The following DMXL1 variants were observed in gnomAD, a reference collection of about 807,000 sequenced individuals.
DMXL1 encodes dmX-like protein 1.
Under a neutral mutation model 319.2 loss-of-function variants are expected in DMXL1, and 99 were observed. That is an observed-to-expected ratio of 0.31 (90% CI 0.26 to 0.37). The LOEUF (loss-of-function observed/expected upper bound fraction) is 0.37. DMXL1 is among the 10% of genes least tolerant of loss of function. The pLI, the probability that DMXL1 is intolerant of heterozygous loss-of-function variation, is 1.00. For missense variants in DMXL1, 3,745 were observed against 3,595.6 expected (o/e 1.04, Z -1.06); for synonymous variants, 1,385 against 1,235.2 (o/e 1.12, Z -2.54).
chr5:119,239,446 C>T (rs888955037), intron 41 of DMXL1, among the ~76,000 whole-genome samples: 4 of 152,258 alleles, frequency 2.6e-5, no homozygotes, highest in East Asian at 1.9e-4. Flanking sequence ...ATATTTCTTA[C>T]GTATGTTGGT....
intron 10 of DMXL1, among the ~76,000 whole-genome samples, chr5:119,132,444 G>T (rs949806951): frequency 2.0e-5 from 3 of 152,148 alleles, no homozygotes; most frequent in Non-Finnish European, 4.4e-5. Context: ...ACTTTGGGAG[G>T]CCGAGGCAGG....
chr5:119,094,768 GGAA>G, intron 1 of DMXL1, among the ~76,000 whole-genome samples: 1 of 151,840 alleles, frequency 6.6e-6, no homozygotes, highest in Admixed American at 6.6e-5. Context: ...CCAAGAGTAT[GGAA>G]GAAGTTGATT....
In DMXL1 at chr5:119,071,452, G is replaced by C. The variant is rs1175688621; in HGVS notation, c.-118G>C. The stretch of plus-strand genomic sequence containing the variant: ...GCTCCGGCTCCAGGCGCCTGTCGCT[G>C]CTTCTGCCGTCGCCACCGAAGAGCG... On this transcript the variant is annotated 5_prime_UTR_variant, in exon 1 of 44. Coordinates refer to ENST00000539542, the MANE Select transcript of DMXL1 (RefSeq NM_001290321.3). 1.5e-5 allele frequency: 15 copies of C among 1,021,146 alleles called. No individual in the cohort carries two copies. Among genetic ancestry groups the C allele is most frequent in the Admixed American group, 1.2e-4 (6 of 48,682 alleles). The allele number at this position is 1,021,146 out of a possible 1,614,324, so 63.3% of individuals were successfully genotyped here. A position where few individuals can be genotyped will look rare whatever the true frequency, so the allele number is the denominator to read the frequency against.
At chr5:119,077,479 G>GTTTTTTTT (rs774672621) in intron 1 of DMXL1, among the ~76,000 whole-genome samples, 1 of 70,174 alleles carries the variant, frequency 1.4e-5, no homozygotes, top group African/African-American at 5.5e-5. Context: ...TTCATCTTAG[G>GTTTTTTTT]TTTTTTTTTT....
intron 28 of DMXL1, among the ~76,000 whole-genome samples, chr5:119,180,254 C>A (rs986822665): frequency 6.6e-6 from 1 of 152,170 alleles, no homozygotes; most frequent in Non-Finnish European, 1.5e-5. Flanking sequence ...ACAAATTGTA[C>A]TTATGGAATA....
chr5:119,087,671 T>A (rs571746330), intron 1 of DMXL1, among the ~76,000 whole-genome samples: 1 of 152,336 alleles, frequency 6.6e-6, no homozygotes, highest in African/African-American at 2.4e-5. Context: ...GCCTATTAGA[T>A]CTAGTGTATC....
chr5:119,121,333 A>G (rs1762002423), intron 9 of DMXL1, among the ~76,000 whole-genome samples, 194 bp downstream of exon 9: 2 of 146,878 alleles, frequency 1.4e-5, no homozygotes, highest in South Asian at 4.3e-4. Context: ...TTGCAGAGGG[A>G]GGTTTGGCAC....
At chr5:119,109,083 G>A (rs1455533642) in intron 4 of DMXL1, among the ~76,000 whole-genome samples, 1 of 152,178 alleles carries the variant, frequency 6.6e-6, no homozygotes, top group Non-Finnish European at 1.5e-5. Context: ...TTGCAGGTGT[G>A]AGCCACCGTG....
chr5:119,206,288 C>A lies in DMXL1; in HGVS notation c.7864-546C>A, dbSNP rs145042594. Among the ~76,000 whole-genome samples, 53 of 152,038 alleles carry A rather than the reference C, an allele frequency of 3.5e-4. 1 individual carries two copies. The highest frequency in any genetic ancestry group is 5.5e-4 in the African/African-American group (23 of 41,520). On this transcript the variant is annotated intron_variant, in intron 33 of 43. Coordinates refer to ENST00000539542, the MANE Select transcript of DMXL1 (RefSeq NM_001290321.3). ...AAGAACTAAAAGTCTTGGAACAACT[C>A]TTTCTTTAACAAGTACTACTATTCC...
chr5:119,118,934 A>G lies in DMXL1; in HGVS notation c.863A>G (p.Glu288Gly), dbSNP rs756696696. The G allele has an allele frequency of 8.1e-6, 13 of 1,613,678 alleles. No homozygotes were observed. Among genetic ancestry groups the G allele is most frequent in the Non-Finnish European group, 8.5e-6 (10 of 1,179,934 alleles). Residue 288 changes from glutamate (E) to glycine (G), a missense_variant, in exon 8 of 44, where the codon GAA becomes GGA. Coordinates refer to ENST00000539542, the MANE Select transcript of DMXL1 (RefSeq NM_001290321.3). ...GGAGGTGACTGCAGCCATTGGACTG[A>G]ATCAATTAATTTAACAAATAACTTC... Reference protein sequence around the residue: ...LYGGDCSHWTESINLTNNFKR... With the variant: ...LYGGDCSHWTGSINLTNNFKR...
intron 1 of DMXL1, among the ~76,000 whole-genome samples, chr5:119,084,512 T>C (rs958430459): frequency 6.6e-6 from 1 of 152,228 alleles, no homozygotes; most frequent in Non-Finnish European, 1.5e-5. Flanking sequence ...TTTTTTCTAT[T>C]TCTTTGAAGA....
At chr5:119,169,608 A>G (rs961748943) in intron 23 of DMXL1, among the ~76,000 whole-genome samples, 17 of 152,216 alleles carry the variant, frequency 1.1e-4, no homozygotes, top group Non-Finnish European at 2.1e-4. Flanking sequence ...CACTAAATAA[A>G]AAGGCCCCAA....
rs886259872 is a variant in DMXL1 at position 119,169,886 on chromosome 5, A to G, written c.5399-304A>G. 4.9e-4 allele frequency among the ~76,000 whole-genome samples: 75 copies of G among 152,236 alleles called. 3 individuals carry two copies. Reference sequence around the variant, plus strand: ...CAAAGCAGACTGAGGAGAAGTGTTCAGGGAAGTAGGAGAAAAAGAACTAAG... The same window carrying G: ...CAAAGCAGACTGAGGAGAAGTGTTCGGGGAAGTAGGAGAAAAAGAACTAAG... On this transcript the variant is annotated intron_variant, in intron 23 of 43. Coordinates refer to ENST00000539542, the MANE Select transcript of DMXL1 (RefSeq NM_001290321.3).
chr5:119,236,242 A>G (rs1787732882), intron 39 of DMXL1: 1 of 152,088 alleles, frequency 6.6e-6, no homozygotes, highest in Non-Finnish European at 1.5e-5. Context: ...CATGTTAACT[A>G]AAGTGTAAGA....
chr5:119,074,184 G>A (rs1750298356), intron 1 of DMXL1, among the ~76,000 whole-genome samples: 1 of 152,216 alleles, frequency 6.6e-6, no homozygotes, highest in East Asian at 1.9e-4. Context: ...CTCCCAAAGT[G>A]CTGGGATTAC....
intron 13 of DMXL1, among the ~76,000 whole-genome samples, chr5:119,139,765 A>G (rs996847472): frequency 1.3e-5 from 2 of 152,190 alleles, no homozygotes; most frequent in Admixed American, 1.3e-4. Context: ...TCAACATTGG[A>G]CCAAATGTAT....
intron 1 of DMXL1, 25 bp from the exon 2 acceptor site, chr5:119,097,954 C>G: frequency 6.4e-7 from 1 of 1,564,388 alleles, no homozygotes; most frequent in Non-Finnish European, 8.7e-7. Flanking sequence ...ACACTTTTAT[C>G]ATTTTTATTT....
intron 28 of DMXL1, 77 bp from the exon 29 acceptor site, chr5:119,189,631 T>G: frequency 4.4e-6 from 6 of 1,353,956 alleles, no homozygotes; most frequent in Non-Finnish European, 4.2e-6. Context: ...TAGTTAACCT[T>G]AGCTCTTATG....
intron 27 of DMXL1, 88 bp from the exon 28 acceptor site, chr5:119,177,907 AT>A: frequency 2.4e-6 from 3 of 1,235,408 alleles, no homozygotes; most frequent in South Asian, 3.7e-5. Flanking sequence ...GATGCAATAC[AT>A]TTTTTCCTGA....
Sources: gnomAD v4.1 joint callset for allele counts (sites outside exome capture counted in the v4.1 genomes callset) on GRCh38, gnomAD v4.1.1 for gene constraint, MANE v1.5 for transcripts, NCBI Gene and HGNC (gene_info 2026-07-23, HGNC 2026-07-21) for gene names.